RBFOX3: variants seen among roughly 807,000 people sequenced by gnomAD.
The protein encoded by RBFOX3 is RNA binding fox-1 homolog 3.
In RBFOX3, 17 loss-of-function variants were observed where a neutral mutation model predicts 48.7. The observed-to-expected ratio is 0.35, with a 90% CI of 0.24 to 0.52. The LOEUF (loss-of-function observed/expected upper bound fraction) is 0.52. Ranked by LOEUF, RBFOX3 falls within the 20% of genes least tolerant of loss-of-function variation. The probability of loss-of-function intolerance (pLI) is 0.94; values close to 1 mark genes in which losing one functional copy is unlikely to be tolerated. For missense variants in RBFOX3, 382 were observed against 497.5 expected (o/e 0.77, Z 2.21); for synonymous variants, 212 against 209.5 (o/e 1.01, Z -0.10).
chr17:79,292,756 A>G (rs937692123), intron 3 of RBFOX3, among the ~76,000 whole-genome samples: 16 of 152,200 alleles, frequency 1.1e-4, no homozygotes, highest in Non-Finnish European at 2.9e-5. Flanking sequence ...CCTCCGCTCA[A>G]TTCTGCCGCT....
chr17:79,145,578 C>T (rs893939160), intron 4 of RBFOX3, among the ~76,000 whole-genome samples: 9 of 152,368 alleles, frequency 5.9e-5, no homozygotes, highest in Admixed American at 1.3e-4. Context: ...CCCGCCCCAC[C>T]GCCCTGGCCT....
At chr17:79,344,540 ATTAT>A (rs35977736) in intron 2 of RBFOX3, among the ~76,000 whole-genome samples, 2,390 of 147,404 alleles carry the variant, frequency 0.016, 60 homozygotes, top group African/African-American at 0.055. Context: ...ACTTTGTTTG[ATTAT>A]TTATTTATTT....
chr17:79,231,135 C>T, intron 4 of RBFOX3, among the ~76,000 whole-genome samples: 1 of 152,106 alleles, frequency 6.6e-6, no homozygotes, highest in Non-Finnish European at 1.5e-5. Context: ...GGAGACAGAG[C>T]TGAGAGGTGG....
At chr17:79,287,443 C>T (rs2072213504) in intron 3 of RBFOX3, among the ~76,000 whole-genome samples, 1 of 152,116 alleles carries the variant, frequency 6.6e-6, no homozygotes. Flanking sequence ...GGGTGTTGAT[C>T]CGAGGGGTTG....
chr17:79,557,924 C>T (rs961875142), intron 1 of RBFOX3, among the ~76,000 whole-genome samples: 1 of 152,052 alleles, frequency 6.6e-6, no homozygotes, highest in African/African-American at 2.4e-5. Context: ...AGGGGACGGC[C>T]GGGAGACAGA....
At chr17:79,431,198 G>A (rs183554897) in intron 2 of RBFOX3, among the ~76,000 whole-genome samples, 251 of 152,218 alleles carry the variant, frequency 1.6e-3, no homozygotes, top group Non-Finnish European at 2.5e-3. Context: ...TTAAACACGC[G>A]GTCTGTTCTC....
At chr17:79,626,329 T>C in the RBFOX3 span, among the ~76,000 whole-genome samples, 125,171 of 152,116 alleles carry the variant, frequency 0.82, 53,121 homozygotes, top group Non-Finnish European at 0.92. Context: ...TCTTTGCTTA[T>C]TAACAAAAGA....
At chr17:79,142,293 C>T (rs754754163) in intron 4 of RBFOX3, among the ~76,000 whole-genome samples, 9 of 152,152 alleles carry the variant, frequency 5.9e-5, no homozygotes, top group Non-Finnish European at 4.4e-5. Context: ...GAGGTGGCTG[C>T]GGAGCCTCCA....
intron 4 of RBFOX3, among the ~76,000 whole-genome samples, chr17:79,230,426 AT>A (rs775639799): frequency 1.3e-5 from 2 of 151,498 alleles, no homozygotes; most frequent in Non-Finnish European, 2.9e-5. Context: ...TACCCGGCTA[AT>A]TTTTTGTATT....
At chr17:79,344,043 A>C (rs1190205581) in intron 2 of RBFOX3, among the ~76,000 whole-genome samples, 1 of 152,174 alleles carries the variant, frequency 6.6e-6, no homozygotes, top group Non-Finnish European at 1.5e-5. Flanking sequence ...ACAAGGACAA[A>C]CACTTATATA....
At chr17:79,332,499 G>A (rs1598293026) in intron 2 of RBFOX3, among the ~76,000 whole-genome samples, 1 of 145,628 alleles carries the variant, frequency 6.9e-6, no homozygotes, top group African/African-American at 2.4e-5. Flanking sequence ...GAGACGGGGT[G>A]CAGAGGGGAG....
rs551286665 is a variant in RBFOX3 at position 79,364,517 on chromosome 17, C to A, written c.-174-56693G>T. On this transcript the variant is annotated intron_variant, in intron 2 of 14. Transcript: ENST00000693108. The surrounding 1 kb of genome is among the most constrained non-coding windows in gnomAD (Gnocchi z 5.1). ...CTCCCAGGCATCTGATGGGTCAGTG[C>A]GCAGTTAATGAGTGTGTTGACTGCA... is the stretch of plus-strand genomic sequence containing the variant. 6.6e-6 allele frequency among the ~76,000 whole-genome samples: 1 copy of A among 152,306 alleles called. No individual in the cohort carries two copies. The highest frequency in any genetic ancestry group is 1.9e-4 in the East Asian group (1 of 5,186).
At chr17:79,447,909 T>C (rs553842706) in intron 2 of RBFOX3, among the ~76,000 whole-genome samples, 1 of 152,116 alleles carries the variant, frequency 6.6e-6, no homozygotes, top group Non-Finnish European at 1.5e-5. Context: ...CAGGGGTAGA[T>C]TTCCCTCTTG....
intron 4 of RBFOX3, among the ~76,000 whole-genome samples, chr17:79,216,448 A>G (rs2059060691): frequency 6.6e-6 from 1 of 151,948 alleles, no homozygotes; most frequent in Non-Finnish European, 1.5e-5. Context: ...GCAGGCAGGA[A>G]GGAGGGGTGG....
At chr17:79,350,575 C>T (rs1409607367) in intron 2 of RBFOX3, among the ~76,000 whole-genome samples, 1 of 152,222 alleles carries the variant, frequency 6.6e-6, no homozygotes, top group African/African-American at 2.4e-5. Context: ...GCAAGTCCAG[C>T]CATGCTGGCC....
Position 79,319,043 on chromosome 17 carries a change from T to G in RBFOX3, c.-174-11219A>C, listed in dbSNP as rs2078001900. Among the ~76,000 whole-genome samples, 4 of 150,572 alleles carry G rather than the reference T, an allele frequency of 2.7e-5. No homozygotes were observed. The South Asian group carries it at 8.5e-4, about 32-fold the overall frequency. On this transcript the variant is annotated intron_variant, in intron 2 of 14. Transcript: ENST00000693108. ...TACAATAATTAAAAAAAAAAAGAAA[T>G]TTGACTGTGGAAGGAGGGAAGACAT...
At chr17:79,620,267 G>T in the RBFOX3 span, among the ~76,000 whole-genome samples, 2 of 135,568 alleles carry the variant, frequency 1.5e-5, no homozygotes, top group African/African-American at 5.7e-5. Context: ...ACACACACGT[G>T]CACACATACG....
intron 2 of RBFOX3, among the ~76,000 whole-genome samples, chr17:79,360,595 G>A (rs2086146070): frequency 6.6e-6 from 1 of 152,190 alleles, no homozygotes; most frequent in African/African-American, 2.4e-5. Flanking sequence ...CCCGTGGAGG[G>A]ATACCTGGCT....
intron 2 of RBFOX3, among the ~76,000 whole-genome samples, chr17:79,445,425 G>C (rs2072038038): frequency 6.6e-6 from 1 of 152,162 alleles, no homozygotes; most frequent in Non-Finnish European, 1.5e-5. Flanking sequence ...GGGTCTTAGA[G>C]GAGGAGACTC....
Sources: gnomAD v4.1 joint callset for allele counts (sites outside exome capture counted in the v4.1 genomes callset) on GRCh38, gnomAD v4.1.1 for gene constraint, Gnocchi (gnomAD v3.1) non-coding constraint, MANE v1.5 for transcripts, NCBI Gene and HGNC (gene_info 2026-07-23, HGNC 2026-07-21) for gene names.